UGT1A8: variants seen among roughly 807,000 people sequenced by gnomAD.
UGT1A8 encodes the protein UDP glucuronosyltransferase family 1 member A8.
Under a neutral mutation model 45.3 loss-of-function variants are expected in UGT1A8, and 39 were observed. The observed-to-expected ratio is 0.86, with a 90% CI of 0.67 to 1.12. UGT1A8 has a LOEUF of 1.12. Among genes scored for constraint, UGT1A8 ranks in the 50% most tolerant of loss-of-function variants. The pLI is 0.00. For missense variants in UGT1A8, 719 were observed against 664.9 expected (o/e 1.08, Z -0.90); for synonymous variants, 275 against 249.2 (o/e 1.10, Z -0.97).
Position 233,644,052 on chromosome 2 carries a change from C to T in UGT1A8, c.855+25490C>T, listed in dbSNP as rs555145187. Among the ~76,000 whole-genome samples the T allele has an allele frequency of 9.2e-4, 140 of 152,296 alleles. 1 individual carries two copies. In the Middle Eastern group the frequency reaches 0.01, roughly 11 times the overall value. On this transcript the variant is annotated intron_variant, in intron 1 of 4. Coordinates refer to ENST00000373450, the MANE Select transcript of UGT1A8 (RefSeq NM_019076.5). ...GATGTCGGTACTCCCTTGGCTGCTT[C>T]AGCTAGTGTTTCAGTATGTCATACT...
intron 1 of UGT1A8, among the ~76,000 whole-genome samples, chr2:233,737,855 A>G (rs577176217): frequency 2.6e-5 from 4 of 152,218 alleles, no homozygotes; most frequent in East Asian, 1.9e-4. Context: ...CACTCTTGCT[A>G]TGCCCCTTAA....
chr2:233,765,364 C>T (rs1321623468), intron 1 of UGT1A8, among the ~76,000 whole-genome samples: 1 of 152,168 alleles, frequency 6.6e-6, no homozygotes, highest in African/African-American at 2.4e-5. Flanking sequence ...CCCAGATGCC[C>T]ATCAATGGTA....
chr2:233,682,585 A>C (rs1276385712), intron 1 of UGT1A8: 3 of 1,613,942 alleles, frequency 1.9e-6, no homozygotes, highest in Non-Finnish European at 2.5e-6. Context: ...ACTTGGAGGA[A>C]CATTTATTTT....
chr2:233,659,295 C>T (rs2073918651), intron 1 of UGT1A8, among the ~76,000 whole-genome samples: 1 of 152,106 alleles, frequency 6.6e-6, no homozygotes, highest in African/African-American at 2.4e-5. Flanking sequence ...ATCATTTTGA[C>T]CCCCATAACT....
At chr2:233,638,122 T>C (rs1405132552) in intron 1 of UGT1A8, among the ~76,000 whole-genome samples, 1 of 152,212 alleles carries the variant, frequency 6.6e-6, no homozygotes, top group East Asian at 1.9e-4. Flanking sequence ...TTTTCCTGAA[T>C]TGAGAAGACT....
At position 233,744,231 on chromosome 2, in the gene UGT1A8, C is replaced by A. The variant is rs577435617; in HGVS notation, c.856-22803C>A. Among the ~76,000 whole-genome samples the A allele has an allele frequency of 9.7e-4, 148 of 151,936 alleles. 3 individuals carry two copies. The highest frequency in any genetic ancestry group is 3.5e-3 in the African/African-American group (144 of 41,218). ...AAAGAGGTTGGGGAAAAGAGAGGGC[C>A]TTGACTTTGGCTGCCTGAAGAACTG... On this transcript the variant is annotated intron_variant, in intron 1 of 4. Transcript: ENST00000373450.
At chr2:233,704,693 G>A (rs1034818342) in intron 1 of UGT1A8, among the ~76,000 whole-genome samples, 16 of 152,062 alleles carry the variant, frequency 1.1e-4, no homozygotes, top group African/African-American at 3.9e-4. Context: ...TTACCTTATG[G>A]TATCATTTCT....
At chr2:233,625,519 T>G (rs947659587) in intron 1 of UGT1A8, among the ~76,000 whole-genome samples, 4 of 152,038 alleles carry the variant, frequency 2.6e-5, no homozygotes, top group Admixed American at 2.0e-4. Context: ...CTATTCAGAA[T>G]AGAAAAGGCA....
chr2:233,639,374 T>A (rs1203056482), intron 1 of UGT1A8, among the ~76,000 whole-genome samples: 1 of 152,202 alleles, frequency 6.6e-6, no homozygotes, highest in African/African-American at 2.4e-5. Flanking sequence ...GGGCTTTCTG[T>A]CAAAGAGCCT....
rs994298046 is a variant in UGT1A8 at position 233,760,365 on chromosome 2, T to C, written c.856-6669T>C. On this transcript the variant is annotated intron_variant, in intron 1 of 4. Transcript: ENST00000373450. Reference sequence around the variant, plus strand: ...GTGTGCTGGGCCCAGTGGTGTCCCATGCTGGGAAGATACTGTTGATCCCAG... The same window carrying C: ...GTGTGCTGGGCCCAGTGGTGTCCCACGCTGGGAAGATACTGTTGATCCCAG... 21 of 1,614,004 alleles carry C rather than the reference T, an allele frequency of 1.3e-5. No individual in the cohort carries two copies. Among genetic ancestry groups the C allele is most frequent in the Non-Finnish European group, 1.7e-5 (20 of 1,180,006 alleles).
chr2:233,751,108 A>G, intron 1 of UGT1A8, among the ~76,000 whole-genome samples: 1 of 151,960 alleles, frequency 6.6e-6, no homozygotes. Context: ...TTGCCCTGCA[A>G]GCCACAGTGT....
At chr2:233,747,425 A>T in intron 1 of UGT1A8, 8 of 1,445,640 alleles carry the variant, frequency 5.5e-6, no homozygotes, top group Non-Finnish European at 7.7e-6. Flanking sequence ...ACATCAAACA[A>T]GAGAAATTTT....
intron 1 of UGT1A8, among the ~76,000 whole-genome samples, chr2:233,737,265 G>A (rs1426808830): frequency 2.0e-5 from 3 of 152,296 alleles, no homozygotes; most frequent in East Asian, 3.9e-4. Context: ...CAGCAATGGC[G>A]GACACCCCTC....
chr2:233,697,058 G>A (rs1287604858), intron 1 of UGT1A8, among the ~76,000 whole-genome samples: 1 of 151,826 alleles, frequency 6.6e-6, no homozygotes, highest in African/African-American at 2.4e-5. Context: ...TTGTGTCCTT[G>A]TCTGGTTTTG....
chr2:233,718,332 T>C (rs1444016327), intron 1 of UGT1A8, among the ~76,000 whole-genome samples: 1 of 152,208 alleles, frequency 6.6e-6, no homozygotes, highest in East Asian at 1.9e-4. Flanking sequence ...CTTAGCAATG[T>C]TGTATGTCTT....
intron 1 of UGT1A8, among the ~76,000 whole-genome samples, chr2:233,749,743 T>C (rs1694265349): frequency 1.3e-5 from 2 of 151,904 alleles, no homozygotes; most frequent in Non-Finnish European, 2.9e-5. Context: ...GGTCTCATCA[T>C]AGTGAGTGAG....
intron 1 of UGT1A8, chr2:233,637,283 G>C (rs181646977): frequency 2.5e-6 from 4 of 1,613,786 alleles, no homozygotes; most frequent in African/African-American, 1.3e-5. Context: ...TGGTTGTTGC[G>C]AACGGACTTT....
chr2:233,629,408 A>G (rs906733272), intron 1 of UGT1A8, among the ~76,000 whole-genome samples: 3 of 152,122 alleles, frequency 2.0e-5, no homozygotes, highest in African/African-American at 7.2e-5. Context: ...ACATGGTGGC[A>G]CAACCTTGAT....
rs565690982 is a variant in UGT1A8 at position 233,619,986 on chromosome 2, G to A, written c.855+1424G>A. ...TACCAGAATAAGATTCTTGGCAAAC[G>A]CATAGTTGCTAAATCCAGATGAAAC... On this transcript the variant is annotated intron_variant, in intron 1 of 4. Coordinates refer to ENST00000373450, the MANE Select transcript of UGT1A8 (RefSeq NM_019076.5). Among the ~76,000 whole-genome samples the A allele has an allele frequency of 4.5e-4, 69 of 152,084 alleles. 1 individual carries two copies. The highest frequency in any genetic ancestry group is 8.5e-4 in the Non-Finnish European group (58 of 68,018).
Sources: allele counts gnomAD v4.1 joint callset (sites outside exome capture counted in the v4.1 genomes callset), GRCh38; gene constraint gnomAD v4.1.1; transcripts MANE v1.5; gene names NCBI Gene and HGNC (gene_info 2026-07-23, HGNC 2026-07-21).